ZNF365: variants seen among roughly 807,000 people sequenced by gnomAD.
ZNF365 encodes protein ZNF365.
Under a neutral mutation model 35.0 loss-of-function variants are expected in ZNF365, and 22 were observed. The observed-to-expected ratio is 0.63, with a 90% CI of 0.45 to 0.90. The LOEUF (loss-of-function observed/expected upper bound fraction) is 0.90, where lower values mean the gene tolerates loss of function less well. ZNF365 is among the 40% of genes least tolerant of loss of function. ZNF365 has a pLI of 0.00. For missense variants in ZNF365, 448 were observed against 500.3 expected, an observed-to-expected ratio of 0.90 and a Z score of 1.00; for synonymous variants, 188 against 196.2, an observed-to-expected ratio of 0.96 and a Z score of 0.35.
At chr10:62,460,378 A>G (rs1165085750) in intron 4 of ZNF365, among the ~76,000 whole-genome samples, 1 of 152,226 alleles carries the variant, frequency 6.6e-6, no homozygotes, top group Non-Finnish European at 1.5e-5. Context: ...TTTTTCTTAT[A>G]AATACATACC....
Position 62,429,108 on chromosome 10 carries a change from C to T in ZNF365, c.925-30633C>T, listed in dbSNP as rs558437701. On this transcript the variant is annotated intron_variant, in intron 3 of 4. Transcript: ENST00000395255. ...AACTAGATAAGCCAATGTGTGCCAA[C>T]GTTAGTTCTGGACAGGGTTTTAGTT... Among the ~76,000 whole-genome samples, 5 of 152,248 alleles carry T rather than the reference C, an allele frequency of 3.3e-5. No individual in the cohort carries two copies. The South Asian group carries it at 8.3e-4, about 25-fold the overall frequency.
At chr10:62,422,036 G>A (rs543654898) in intron 3 of ZNF365, among the ~76,000 whole-genome samples, 16 of 152,260 alleles carry the variant, frequency 1.1e-4, no homozygotes, top group African/African-American at 2.9e-4. Context: ...TTAGTATTCT[G>A]GTTTTCAGCA....
At chr10:62,409,591 T>G (rs929818542) in intron 3 of ZNF365, among the ~76,000 whole-genome samples, 1 of 152,128 alleles carries the variant, frequency 6.6e-6, no homozygotes, top group African/African-American at 2.4e-5. Flanking sequence ...AAGGGTTTTT[T>G]TGTATTCTTA....
downstream of ZNF365, among the ~76,000 whole-genome samples, chr10:62,402,866 G>A (rs759914866): frequency 6.6e-6 from 1 of 152,210 alleles, no homozygotes; most frequent in Non-Finnish European, 1.5e-5. Context: ...AGATAACAGA[G>A]AGAAGTATGT....
chr10:62,443,246 G>C (rs764311609), intron 3 of ZNF365, among the ~76,000 whole-genome samples: 8 of 152,174 alleles, frequency 5.3e-5, no homozygotes, highest in Non-Finnish European at 1.0e-4. Context: ...GGATTTTCCT[G>C]TAATGATTGG....
intron 3 of ZNF365, among the ~76,000 whole-genome samples, chr10:62,428,860 G>A (rs1000574424): frequency 2.0e-5 from 3 of 152,170 alleles, no homozygotes; most frequent in Admixed American, 6.5e-5. Context: ...TTAACAGCTC[G>A]CTTGGGAGAG....
chr10:62,404,752 G>A (rs901277045), downstream of ZNF365, among the ~76,000 whole-genome samples: 3 of 152,144 alleles, frequency 2.0e-5, no homozygotes, highest in Non-Finnish European at 4.4e-5. Flanking sequence ...AAAAATACTT[G>A]TAGTCTTGGG....
At chr10:62,385,328 A>G (rs1839508517) in intron 2 of ZNF365, among the ~76,000 whole-genome samples, 1 of 152,216 alleles carries the variant, frequency 6.6e-6, no homozygotes, top group African/African-American at 2.4e-5. Flanking sequence ...CTTTTCTGTG[A>G]CATGGCATAA....
rs953226759 is a variant in ZNF365, at chr10:62,392,013, A to G, written c.924+3437A>G. 5.9e-5 allele frequency among the ~76,000 whole-genome samples: 9 copies of G among 152,096 alleles called. No homozygotes were observed. The South Asian group carries it at 6.2e-4, about 11-fold the overall frequency. On this transcript the variant is annotated intron_variant, in intron 3 of 4. Transcript: ENST00000395254. ...TCCCTGATCATTAGTAATGTCGAGC[A>G]TTTTTTCATATGTTTGTTGGCCATT...
chr10:62,434,480 A>G (rs961919664), intron 3 of ZNF365, among the ~76,000 whole-genome samples: 2 of 152,150 alleles, frequency 1.3e-5, no homozygotes, highest in African/African-American at 2.4e-5. Context: ...GAAGGGCCTG[A>G]ACAATTCATT....
intron 2 of ZNF365, among the ~76,000 whole-genome samples, chr10:62,380,825 G>A (rs1281146001): frequency 6.6e-6 from 1 of 152,216 alleles, no homozygotes; most frequent in Non-Finnish European, 1.5e-5. Context: ...TAACAAGAAA[G>A]GATGGACTTA....
chr10:62,454,855 A>G lies in ZNF365; in HGVS notation c.925-4886A>G, dbSNP rs1354574059. Among the ~76,000 whole-genome samples the G allele has an allele frequency of 3.9e-5, 6 of 152,226 alleles. 1 individual carries two copies. Among genetic ancestry groups the G allele is most frequent in the Admixed American group, 3.3e-4 (5 of 15,282 alleles). ...GAATGTAAACAAATAATTGCTGTTC[A>G]GTAGAACAGGCTCTGAGACAGTGGT... On this transcript the variant is annotated intron_variant, in intron 3 of 4. Coordinates refer to the ZNF365 transcript ENST00000395255.
intron 3 of ZNF365, among the ~76,000 whole-genome samples, chr10:62,407,476 C>T (rs537777633): frequency 6.6e-6 from 1 of 152,296 alleles, no homozygotes; most frequent in South Asian, 2.1e-4. Context: ...CCCACATTCC[C>T]TTTACCCTTC....
downstream of ZNF365, among the ~76,000 whole-genome samples, chr10:62,407,132 A>G (rs902878233): frequency 5.9e-5 from 9 of 152,236 alleles, no homozygotes; most frequent in African/African-American, 2.2e-4. Context: ...TATTGAAGCC[A>G]TTCCTACAAA....
intron 3 of ZNF365, among the ~76,000 whole-genome samples, chr10:62,414,144 G>A (rs1414932676): frequency 6.6e-6 from 1 of 151,992 alleles, no homozygotes; most frequent in Non-Finnish European, 1.5e-5. Context: ...TTTAATCATT[G>A]TTTTTAGGCT....
At chr10:62,433,042 C>T (rs1294374912) in intron 3 of ZNF365, among the ~76,000 whole-genome samples, 1 of 152,144 alleles carries the variant, frequency 6.6e-6, no homozygotes, top group African/African-American at 2.4e-5. Flanking sequence ...CCTAAAAACT[C>T]AGATTATCAG....
At chr10:62,459,614 TG>T in intron 3 of ZNF365, 1 of 1,069,576 alleles carries the variant, frequency 9.3e-7, no homozygotes, top group Non-Finnish European at 1.3e-6. Context: ...GTTTCTAGCC[TG>T]GGAAAATATG....
chr10:62,400,243 G>T lies in ZNF365; in HGVS notation c.*454G>T, dbSNP rs143879492. 1 of 990,096 alleles carries T rather than the reference G, an allele frequency of 1.0e-6. No homozygotes were observed. Among genetic ancestry groups the T allele is most frequent in the Non-Finnish European group, 1.2e-6 (1 of 832,472 alleles). The allele number at this position is 990,096 out of a possible 1,614,324, so 61.3% of individuals were successfully genotyped here. On this transcript the variant is annotated 3_prime_UTR_variant, in exon 5 of 5. Coordinates refer to ENST00000395254, the MANE Select transcript of ZNF365 (RefSeq NM_014951.3). Reference sequence around the variant, plus strand: ...TAATAGCAGTAAAATGAAAATATTTGTGTTTGTGTATAACCTTCCCCTCAG... The same window carrying T: ...TAATAGCAGTAAAATGAAAATATTTTTGTTTGTGTATAACCTTCCCCTCAG...
intron 3 of ZNF365, among the ~76,000 whole-genome samples, chr10:62,426,976 C>G (rs144030374): frequency 1.3e-5 from 2 of 152,270 alleles, no homozygotes; most frequent in Non-Finnish European, 2.9e-5. Context: ...ATCGTAATAA[C>G]AGTCATGACC....
Sources: gnomAD v4.1 joint callset for allele counts (sites outside exome capture counted in the v4.1 genomes callset) on GRCh38, gnomAD v4.1.1 for gene constraint, MANE v1.5 for transcripts, NCBI Gene and HGNC (gene_info 2026-07-23, HGNC 2026-07-21) for gene names.